The following KCNMB2 variants were observed in gnomAD, a reference collection of about 807,000 sequenced individuals.
KCNMB2 encodes the protein calcium-activated potassium channel subunit beta-2.
KCNMB2 carries 9 observed loss-of-function variants against 24.5 expected under a neutral mutation model. The ratio of observed to expected loss-of-function variants is 0.37; its 90% CI spans 0.22 to 0.64. KCNMB2 has a LOEUF of 0.64. KCNMB2 is among the 30% of genes least tolerant of loss of function. The pLI is 0.63. For missense variants in KCNMB2, 226 were observed against 284.3 expected, an observed-to-expected ratio of 0.79 and a Z score of 1.47; for synonymous variants, 109 against 104.4, an observed-to-expected ratio of 1.04 and a Z score of -0.27.
chr3:178,766,671 C>T (rs1712133592), intron 1 of KCNMB2, among the ~76,000 whole-genome samples: 1 of 152,220 alleles, frequency 6.6e-6, no homozygotes, highest in Non-Finnish European at 1.5e-5. Context: ...TGATAACAAA[C>T]ATCTCTTTTC....
rs1470953477 is a variant in KCNMB2, at chr3:178,757,306, A to ATC, written c.-67-50036_-67-50035dup. On this transcript the variant is annotated intron_variant, in intron 1 of 4. Transcript: ENST00000452583. ...TATCCAAGAGGATATATATATATAT[A>ATC]TCCATCCAAGAGGACATATATATAT... 1.6e-5 allele frequency among the ~76,000 whole-genome samples: 2 copies of ATC among 123,708 alleles called. 1 individual carries two copies. Among genetic ancestry groups the ATC allele is most frequent in the Non-Finnish European group, 3.5e-5 (2 of 57,460 alleles). The allele number at this position is 123,708 out of a possible 152,430, so 81.2% of individuals were successfully genotyped here.
intron 1 of KCNMB2, among the ~76,000 whole-genome samples, chr3:178,586,987 C>T (rs983185486): frequency 6.6e-6 from 1 of 152,064 alleles, no homozygotes; most frequent in Non-Finnish European, 1.5e-5. Context: ...ATTAAAACCA[C>T]CTTTTGGATA....
At chr3:178,682,740 A>C (rs765746083) in intron 1 of KCNMB2, among the ~76,000 whole-genome samples, 4 of 152,148 alleles carry the variant, frequency 2.6e-5, no homozygotes, top group Non-Finnish European at 4.4e-5. Context: ...AAAGCATACA[A>C]GTAGCCAACA....
At chr3:178,756,437 T>C (rs1724044116) in intron 1 of KCNMB2, among the ~76,000 whole-genome samples, 1 of 152,112 alleles carries the variant, frequency 6.6e-6, no homozygotes, top group Non-Finnish European at 1.5e-5. Flanking sequence ...CAAAACCTTG[T>C]TTTATGTGTG....
chr3:178,596,678 C>T (rs1717883828), intron 1 of KCNMB2, among the ~76,000 whole-genome samples: 1 of 152,028 alleles, frequency 6.6e-6, no homozygotes, highest in Admixed American at 6.6e-5. Flanking sequence ...ATCTTCTAGC[C>T]CCACATTCCC....
intron 1 of KCNMB2, among the ~76,000 whole-genome samples, chr3:178,644,075 G>C (rs1719822036): frequency 6.6e-6 from 1 of 152,156 alleles, no homozygotes; most frequent in African/African-American, 2.4e-5. Context: ...AACTGTACCT[G>C]GTTTCCAGAA....
At chr3:178,759,816 A>C (rs1238429609) in intron 1 of KCNMB2, among the ~76,000 whole-genome samples, 10 of 20,634 alleles carry the variant, frequency 4.8e-4, no homozygotes, top group Non-Finnish European at 7.7e-4. Context: ...ATATATCTAT[A>C]TATATATATA....
chr3:178,778,738 C>G (rs184394089), intron 1 of KCNMB2, among the ~76,000 whole-genome samples: 6 of 152,192 alleles, frequency 3.9e-5, no homozygotes, highest in Non-Finnish European at 8.8e-5. Context: ...CTCTCCCTCC[C>G]TGTAGCACCA....
At chr3:178,761,212 T>C (rs112359851) in intron 1 of KCNMB2, among the ~76,000 whole-genome samples, 5 of 152,254 alleles carry the variant, frequency 3.3e-5, no homozygotes, top group African/African-American at 7.2e-5. Flanking sequence ...TCATAGTGAG[T>C]GACATGCTCT....
chr3:178,653,339 CT>C (rs1368931557), intron 1 of KCNMB2, among the ~76,000 whole-genome samples: 1 of 151,946 alleles, frequency 6.6e-6, no homozygotes, highest in Non-Finnish European at 1.5e-5. Flanking sequence ...TTCATGAATT[CT>C]TTTTTATGTT....
chr3:178,576,910 G>A (rs771647110), intron 1 of KCNMB2, among the ~76,000 whole-genome samples: 2 of 152,210 alleles, frequency 1.3e-5, no homozygotes, highest in African/African-American at 2.4e-5. Context: ...GCAGCTGTGG[G>A]TGCAGCCTCA....
intron 1 of KCNMB2, among the ~76,000 whole-genome samples, chr3:178,644,258 A>C (rs1719829655): frequency 2.0e-5 from 3 of 152,244 alleles, no homozygotes; most frequent in African/African-American, 7.2e-5. Flanking sequence ...AACTCCAGGC[A>C]AAGGGCACCA....
chr3:178,672,936 T>G (rs1468716668), intron 1 of KCNMB2, among the ~76,000 whole-genome samples: 5 of 152,182 alleles, frequency 3.3e-5, no homozygotes, highest in Non-Finnish European at 5.9e-5. Context: ...CATCCCATTT[T>G]CTGACCACCA....
chr3:178,667,006 T>C (rs1720741977), intron 1 of KCNMB2, among the ~76,000 whole-genome samples: 1 of 152,216 alleles, frequency 6.6e-6, no homozygotes. Context: ...TTATAATACT[T>C]AATACAATGT....
intron 1 of KCNMB2, among the ~76,000 whole-genome samples, chr3:178,768,841 TAAA>T (rs562551972): frequency 6.6e-6 from 1 of 152,064 alleles, no homozygotes; most frequent in Admixed American, 6.6e-5. Context: ...ACAGAGCAAA[TAAA>T]AAACCAAGAC....
intron 1 of KCNMB2, among the ~76,000 whole-genome samples, chr3:178,553,945 C>A (rs989962770): frequency 1.3e-5 from 2 of 152,020 alleles, no homozygotes; most frequent in Non-Finnish European, 2.9e-5. Flanking sequence ...TAGACAAAAC[C>A]ATTGAAAAGA....
intron 1 of KCNMB2, among the ~76,000 whole-genome samples, chr3:178,658,859 C>A (rs1024071109): frequency 6.6e-6 from 1 of 152,202 alleles, no homozygotes; most frequent in Non-Finnish European, 1.5e-5. Context: ...ATGTTATCTT[C>A]CTGAATTAGG....
intron 1 of KCNMB2, among the ~76,000 whole-genome samples, chr3:178,706,759 A>G (rs569459062): frequency 6.0e-4 from 92 of 152,262 alleles, no homozygotes; most frequent in Admixed American, 1.2e-3. Context: ...GCAAGTGCGC[A>G]TTATAGTCCA....
At chr3:178,786,151 A>C (rs1560021276) in intron 1 of KCNMB2, among the ~76,000 whole-genome samples, 1 of 152,188 alleles carries the variant, frequency 6.6e-6, no homozygotes, top group Non-Finnish European at 1.5e-5. Flanking sequence ...TTTCAGGCTG[A>C]GAACACTGAG....
Sources: allele counts gnomAD v4.1 joint callset (sites outside exome capture counted in the v4.1 genomes callset), GRCh38; gene constraint gnomAD v4.1.1; transcripts MANE v1.5; gene names NCBI Gene and HGNC (gene_info 2026-07-23, HGNC 2026-07-21).